Variants in UBE3D observed in about 807,000 individuals in gnomAD.
The protein encoded by UBE3D is E3 ubiquitin-protein ligase E3D.
A neutral mutation model predicts 49.6 loss-of-function variants in UBE3D; 48 were observed. The ratio of observed to expected loss-of-function variants is 0.97; its 90% CI spans 0.77 to 1.23. The LOEUF is 1.23. Ranked by LOEUF, UBE3D falls within the 50% of genes most tolerant of loss-of-function variation. UBE3D has a pLI of 0.00. For missense variants in UBE3D, 452 were observed against 468.4 expected, an observed-to-expected ratio of 0.96 and a Z score of 0.32; for synonymous variants, 189 against 174.2, an observed-to-expected ratio of 1.08 and a Z score of -0.67.
intron 6 of UBE3D, 101 bp from the exon 7 acceptor site, chr6:83,022,662 AT>A: frequency 1.4e-6 from 1 of 699,446 alleles, no homozygotes; most frequent in Non-Finnish European, 2.2e-6. Context: ...AGGCAGACAT[AT>A]CCACATGCCA....
At chr6:82,954,896 G>C (rs1776052320) in intron 9 of UBE3D, among the ~76,000 whole-genome samples, 1 of 152,168 alleles carries the variant, frequency 6.6e-6, no homozygotes, top group Non-Finnish European at 1.5e-5. Flanking sequence ...ATCTTTCCAG[G>C]GGTGACAGCA....
rs559382976 is a variant in UBE3D, at chr6:82,911,891, C to T, written c.1150-18849G>A. ...TCGGTCAGAAAGGCTGGACACTCTTCCTGTGCTAGCAGCTGCTCCAATTAA... is the reference window on the plus strand; with the variant it reads ...TCGGTCAGAAAGGCTGGACACTCTTTCTGTGCTAGCAGCTGCTCCAATTAA... On this transcript the variant is annotated intron_variant, in intron 9 of 9. Coordinates refer to ENST00000369747, the MANE Select transcript of UBE3D (RefSeq NM_198920.3). Among the ~76,000 whole-genome samples the T allele has an allele frequency of 2.6e-5, 4 of 152,284 alleles. No homozygotes were observed. The East Asian group carries it at 7.7e-4, about 29-fold the overall frequency.
intron 9 of UBE3D, among the ~76,000 whole-genome samples, chr6:82,921,760 C>T (rs189690688): frequency 3.3e-4 from 50 of 152,250 alleles, no homozygotes; most frequent in Non-Finnish European, 5.9e-4. Context: ...TCATCCAGGC[C>T]TTGAAGAACC....
chr6:83,017,367 A>T (rs1780765911), intron 8 of UBE3D: 1 of 152,166 alleles, frequency 6.6e-6, no homozygotes, highest in Non-Finnish European at 1.5e-5. Flanking sequence ...AAATTTGATG[A>T]TATAAACCTA....
chr6:82,978,197 G>T (rs1392988583), intron 8 of UBE3D, among the ~76,000 whole-genome samples: 1 of 152,110 alleles, frequency 6.6e-6, no homozygotes, highest in Non-Finnish European at 1.5e-5. Context: ...AGTGCTCAGT[G>T]AAACAGTTTG....
intron 9 of UBE3D, among the ~76,000 whole-genome samples, chr6:82,900,658 G>C (rs1562064671): frequency 1.3e-5 from 2 of 152,194 alleles, no homozygotes; most frequent in African/African-American, 2.4e-5. Flanking sequence ...GATCCCACTA[G>C]TTATCAGTGG....
At chr6:83,015,491 A>G (rs948314678) in intron 8 of UBE3D, among the ~76,000 whole-genome samples, 2 of 152,182 alleles carry the variant, frequency 1.3e-5, no homozygotes, top group Non-Finnish European at 2.9e-5. Context: ...GTGGGCCCAA[A>G]TCAATAAATT....
chr6:82,987,522 T>C (rs1778605727), intron 8 of UBE3D, among the ~76,000 whole-genome samples: 1 of 152,182 alleles, frequency 6.6e-6, no homozygotes, highest in South Asian at 2.1e-4. Context: ...TGCTCAACTA[T>C]ACTAGTAATT....
intron 5 of UBE3D, among the ~76,000 whole-genome samples, chr6:83,027,106 T>C (rs1455347039): frequency 1.3e-5 from 2 of 152,082 alleles, no homozygotes; most frequent in African/African-American, 4.8e-5. Context: ...TGGGATCATT[T>C]TCTTCTACCT....
At chr6:82,911,305 T>C (rs1772508862) in intron 9 of UBE3D, among the ~76,000 whole-genome samples, 1 of 151,866 alleles carries the variant, frequency 6.6e-6, no homozygotes, top group African/African-American at 2.4e-5. Context: ...GTTCATTGTG[T>C]ACTCTCCAAT....
intron 9 of UBE3D, among the ~76,000 whole-genome samples, chr6:82,917,695 G>C (rs145225525): frequency 1.3e-5 from 2 of 152,312 alleles, no homozygotes; most frequent in African/African-American, 4.8e-5. Flanking sequence ...ACTAGGTGGG[G>C]GAAAGGCAGA....
chr6:82,919,600 A>G (rs1212730024), intron 9 of UBE3D, among the ~76,000 whole-genome samples: 2 of 149,654 alleles, frequency 1.3e-5, no homozygotes, highest in Non-Finnish European at 2.9e-5. Context: ...AGTCTCAAAA[A>G]ATAAAATAAA....
At chr6:83,065,600 G>A in intron 1 of UBE3D, 42 bp downstream of exon 1, 1 of 1,602,010 alleles carries the variant, frequency 6.2e-7, no homozygotes, top group Non-Finnish European at 8.5e-7. Context: ...CCGGGCAGCA[G>A]TAAAGCGAGC....
chr6:83,020,353 T>C (rs1781005548), intron 7 of UBE3D, among the ~76,000 whole-genome samples: 1 of 150,516 alleles, frequency 6.6e-6, no homozygotes, highest in South Asian at 2.1e-4. Context: ...TTTTTTTTTT[T>C]TTTTTACAAA....
intron 8 of UBE3D, among the ~76,000 whole-genome samples, chr6:82,979,838 T>C (rs770151264): frequency 1.3e-5 from 2 of 152,146 alleles, no homozygotes; most frequent in African/African-American, 4.8e-5. Context: ...AGTAAGAACA[T>C]GCAGTATATG....
rs762869580 is a variant in UBE3D, at chr6:83,065,796, C to T, written c.-78G>A. On this transcript the variant is annotated 5_prime_UTR_variant, in exon 1 of 10. In the 5' UTR this introduces an upstream ATG that the reference lacks. Transcript: ENST00000369747. Reference sequence around the variant, plus strand: ...GTCAACAGGACCAGGAGAGGTTCCACGTGCGGACCAACCAGCGGCAGCCCC... The same window carrying T: ...GTCAACAGGACCAGGAGAGGTTCCATGTGCGGACCAACCAGCGGCAGCCCC... The T allele has an allele frequency of 3.9e-5, 56 of 1,431,334 alleles. No individual in the cohort carries two copies. Among genetic ancestry groups the T allele is most frequent in the Non-Finnish European group, 5.2e-5 (54 of 1,042,938 alleles). The allele number at this position is 1,431,334 out of a possible 1,614,324, so 88.7% of individuals were successfully genotyped here.
At chr6:82,911,877 G>C (rs1309825542) in intron 9 of UBE3D, among the ~76,000 whole-genome samples, 2 of 152,154 alleles carry the variant, frequency 1.3e-5, no homozygotes, top group East Asian at 3.9e-4. Flanking sequence ...CGGTCAGAAA[G>C]GCTGGACACT....
At chr6:82,887,360 A>C in the UBE3D span, among the ~76,000 whole-genome samples, 2 of 146,918 alleles carry the variant, frequency 1.4e-5, no homozygotes, top group Admixed American at 6.8e-5. Flanking sequence ...AAAAACAAAC[A>C]AACCCTGTAT....
chr6:83,040,399 C>A lies in UBE3D; in HGVS notation c.598-1914G>T, dbSNP rs1356610526. Among the ~76,000 whole-genome samples the A allele has an allele frequency of 6.2e-3, 602 of 96,636 alleles. 5 individuals are homozygous for A. Among genetic ancestry groups the A allele is most frequent in the African/African-American group, 0.018 (527 of 29,660 alleles). 63.4% of individuals were successfully genotyped at this position (96,636 alleles called of 152,430 possible). ...ACTGACTCTCTCTCTCTCTCTCTCT[C>A]TCTCTATATATATATATATTCAATC... is the stretch of plus-strand genomic sequence containing the variant. On this transcript the variant is annotated intron_variant, in intron 4 of 9. Coordinates refer to ENST00000369747, the MANE Select transcript of UBE3D (RefSeq NM_198920.3).
Sources: allele counts gnomAD v4.1 joint callset (sites outside exome capture counted in the v4.1 genomes callset), GRCh38; gene constraint gnomAD v4.1.1; transcripts MANE v1.5; gene names NCBI Gene and HGNC (gene_info 2026-07-23, HGNC 2026-07-21).